The following CELF2 variants were observed in gnomAD, a reference collection of about 807,000 sequenced individuals.
CELF2 encodes CUG triplet repeat RNA-binding protein 2.
CELF2 carries 8 observed loss-of-function variants against 62.6 expected under a neutral mutation model. The ratio of observed to expected loss-of-function variants is 0.13; its 90% CI spans 0.07 to 0.23. The LOEUF is 0.23. Ranked by LOEUF, CELF2 falls within the 10% of genes least tolerant of loss-of-function variation. The pLI is 1.00. For missense variants in CELF2, 333 were observed against 671.0 expected (o/e 0.50, Z 5.56); for synonymous variants, 258 against 250.0 (o/e 1.03, Z -0.30).
intron 1 of CELF2, among the ~76,000 whole-genome samples, chr10:10,833,653 CACGA>C (rs542726129): frequency 1.2e-4 from 19 of 152,244 alleles, no homozygotes; most frequent in African/African-American, 4.1e-4. Flanking sequence ...TGGATGTGAA[CACGA>C]ACAGTCACTT....
At chr10:10,527,226 G>A in the CELF2 span, among the ~76,000 whole-genome samples, 14 of 152,236 alleles carry the variant, frequency 9.2e-5, no homozygotes, top group East Asian at 2.5e-3. Context: ...TGGATAACTT[G>A]AGGCCAGGAG....
At chr10:10,800,209 T>A (rs574556276) in intron 1 of CELF2, among the ~76,000 whole-genome samples, 27 of 152,360 alleles carry the variant, frequency 1.8e-4, no homozygotes, top group African/African-American at 6.5e-4. Flanking sequence ...TCTAGAACTT[T>A]CCACGGATGC....
the CELF2 span, among the ~76,000 whole-genome samples, chr10:10,602,083 G>A: frequency 2.0e-5 from 3 of 151,956 alleles, no homozygotes; most frequent in African/African-American, 7.3e-5. Flanking sequence ...TCCTTTTTAC[G>A]GCTGCATAGT....
chr10:10,821,702 G>A (rs997778239), intron 1 of CELF2, among the ~76,000 whole-genome samples: 33 of 152,066 alleles, frequency 2.2e-4, no homozygotes, highest in African/African-American at 7.7e-4. Flanking sequence ...CTGGAGTGGC[G>A]CGATCATAGC....
At chr10:10,480,422 C>T in the CELF2 span, among the ~76,000 whole-genome samples, 21 of 152,190 alleles carry the variant, frequency 1.4e-4, no homozygotes, top group South Asian at 6.2e-4. Flanking sequence ...CCAAGCTCTC[C>T]TGACCCACTG....
At chr10:10,800,436 C>T (rs996939810) in intron 1 of CELF2, among the ~76,000 whole-genome samples, 6 of 152,116 alleles carry the variant, frequency 3.9e-5, no homozygotes, top group African/African-American at 1.4e-4. Context: ...ACTGCAACCT[C>T]CACCTCCCGG....
At chr10:10,944,330 G>T (rs1249809507) in intron 2 of CELF2, 2 of 152,630 alleles carry the variant, frequency 1.3e-5, no homozygotes, top group African/African-American at 4.8e-5. Flanking sequence ...TTGACCTGCA[G>T]AAAATATTTT....
chr10:11,154,869 G>A (rs2064009094), intron 1 of CELF2, among the ~76,000 whole-genome samples: 1 of 151,976 alleles, frequency 6.6e-6, no homozygotes, highest in Non-Finnish European at 1.5e-5. Flanking sequence ...ATTTCTCCCG[G>A]ACAAGATGAC....
chr10:11,145,902 A>G lies in CELF2; in HGVS notation c.75-19584A>G, dbSNP rs1049071353. Among the ~76,000 whole-genome samples, 9 of 152,190 alleles carry G rather than the reference A, an allele frequency of 5.9e-5. No individual in the cohort carries two copies. The highest frequency in any genetic ancestry group is 1.2e-4 in the Non-Finnish European group (8 of 68,034). Reference sequence around the variant, plus strand: ...TTTATGAGAGAATTATTCCTTATGTATACTTTTTTCTTTTTCATTTTCTAA... The same window carrying G: ...TTTATGAGAGAATTATTCCTTATGTGTACTTTTTTCTTTTTCATTTTCTAA... On this transcript the variant is annotated intron_variant, in intron 1 of 12. Coordinates refer to ENST00000633077, the MANE Select transcript of CELF2 (RefSeq NM_001326342.2). This position sits in a 1 kb window ranked among gnomAD's most constrained non-coding sequence, Gnocchi z 4.3.
intron 4 of CELF2, among the ~76,000 whole-genome samples, chr10:11,253,708 G>A (rs1031813069): frequency 2.0e-5 from 3 of 151,962 alleles, no homozygotes; most frequent in African/African-American, 4.8e-5. Context: ...AAGTCACCCC[G>A]TGTATTTAAA....
At chr10:10,695,759 T>A in the CELF2 span, among the ~76,000 whole-genome samples, 8 of 152,300 alleles carry the variant, frequency 5.3e-5, no homozygotes, top group East Asian at 1.9e-4. Context: ...CATTCATTTC[T>A]TCTTCCATTG....
chr10:11,137,001 T>C (rs1396684060), intron 1 of CELF2, among the ~76,000 whole-genome samples: 7 of 152,240 alleles, frequency 4.6e-5, no homozygotes, highest in Non-Finnish European at 1.0e-4. Flanking sequence ...TTTTTTCTTT[T>C]TCAAAATGCT....
intron 1 of CELF2, among the ~76,000 whole-genome samples, chr10:11,121,905 A>C (rs2057829145): frequency 6.6e-6 from 1 of 152,098 alleles, no homozygotes; most frequent in East Asian, 1.9e-4. Flanking sequence ...TAACTGAGGA[A>C]ATGTACTCCT....
Position 10,938,794 on chromosome 10 carries a change from C to T in CELF2, c.89+18795C>T, listed in dbSNP as rs976831858. Among the ~76,000 whole-genome samples, 8 of 152,124 alleles carry T rather than the reference C, an allele frequency of 5.3e-5. No homozygotes were observed. Among genetic ancestry groups the T allele is most frequent in the East Asian group, 3.9e-4 (2 of 5,190 alleles). On this transcript the variant is annotated intron_variant, in intron 2 of 13. Transcript: ENST00000636488. The surrounding 1 kb of genome is among the most constrained non-coding windows in gnomAD (Gnocchi z 4.2). ...GGTTAGTGCCTGGACAACTCAGGCT[C>T]GAGCCCGCTGGGGACCCCGTGAAGC...
At chr10:11,213,985 A>C (rs1041843262) in intron 2 of CELF2, among the ~76,000 whole-genome samples, 6 of 152,160 alleles carry the variant, frequency 3.9e-5, no homozygotes, top group Non-Finnish European at 5.9e-5. Flanking sequence ...CCTGCTTTTT[A>C]CTTACTGATG....
At chr10:10,520,537 A>T in the CELF2 span, among the ~76,000 whole-genome samples, 1 of 152,290 alleles carries the variant, frequency 6.6e-6, no homozygotes. Context: ...ACCCACGCTG[A>T]GCTTTGAGCT....
At chr10:10,879,912 T>A (rs1343599857) in intron 1 of CELF2, among the ~76,000 whole-genome samples, 1 of 152,212 alleles carries the variant, frequency 6.6e-6, no homozygotes, top group Admixed American at 6.5e-5. Flanking sequence ...GAGGTGACCA[T>A]CTTCCTAATT....
chr10:10,591,976 C>T, the CELF2 span, among the ~76,000 whole-genome samples: 1 of 152,028 alleles, frequency 6.6e-6, no homozygotes, highest in Non-Finnish European at 1.5e-5. Context: ...ATTAAATTCA[C>T]TCAGTCAGCA....
At position 11,328,454 on chromosome 10, in the gene CELF2, GCCCTT is replaced by G. The variant is rs536688721; in HGVS notation, c.1439-463_1439-459del. On this transcript the variant is annotated intron_variant, in intron 12 of 12. Coordinates refer to ENST00000633077, the MANE Select transcript of CELF2 (RefSeq NM_001326342.2). The surrounding 1 kb of genome is among the most constrained non-coding windows in gnomAD (Gnocchi z 6.4). ...GCTTGGCAGTATCTGCTGTTCTCCA[GCCCTT>G]CCCTTCCCGAGCCTGCCTGTTGGCC... Among the ~76,000 whole-genome samples the G allele has an allele frequency of 3.0e-4, 45 of 152,292 alleles. No individual in the cohort carries two copies. In the East Asian group the frequency reaches 6.4e-3, roughly 22 times the overall value.
Sources: gnomAD v4.1 joint callset for allele counts (sites outside exome capture counted in the v4.1 genomes callset) on GRCh38, gnomAD v4.1.1 for gene constraint, Gnocchi (gnomAD v3.1) non-coding constraint, MANE v1.5 for transcripts, NCBI Gene and HGNC (gene_info 2026-07-23, HGNC 2026-07-21) for gene names.